FBN2: variants seen among roughly 807,000 people sequenced by gnomAD.
The protein encoded by FBN2 is fibrillin-2.
In FBN2, 105 loss-of-function variants were observed where a neutral mutation model predicts 355.6. That is an observed-to-expected ratio of 0.30 (90% CI 0.25 to 0.35). FBN2 has a LOEUF of 0.35. FBN2 is among the 10% of genes least tolerant of loss of function. FBN2 has a pLI of 1.00. For synonymous variants in FBN2, 1,350 were observed against 1,301.2 expected (o/e 1.04, Z -0.81); for missense variants, 3,280 against 3,758.7 (o/e 0.87, Z 3.33).
At position 128,290,054 on chromosome 5, in the gene FBN2, T is replaced by A. The variant is rs1581191269; in HGVS notation, c.6446-107A>T. 5.5e-6 allele frequency: 4 copies of A among 733,788 alleles called. No homozygotes were observed. In the South Asian group the frequency reaches 6.0e-5, roughly 11 times the overall value. The allele number at this position is 733,788 out of a possible 1,614,324, so 45.5% of individuals were successfully genotyped here. A position where few individuals can be genotyped will look rare whatever the true frequency, so the allele number is the denominator to read the frequency against. On this transcript the variant is annotated intron_variant, in intron 50 of 64. Transcript: ENST00000262464. ...AAATTACACTTAATTATGTTTCCATTACAAAGCTGTCTATAACAAGACTCT... is the reference window on the plus strand; with the variant it reads ...AAATTACACTTAATTATGTTTCCATAACAAAGCTGTCTATAACAAGACTCT...
At chr5:128,485,672 A>G (rs1321173208) in intron 5 of FBN2, among the ~76,000 whole-genome samples, 1 of 152,214 alleles carries the variant, frequency 6.6e-6, no homozygotes, top group African/African-American at 2.4e-5. Flanking sequence ...TAAATACATT[A>G]TGAGTTCATG....
At chr5:128,465,596 T>C (rs1754691372) in intron 5 of FBN2, among the ~76,000 whole-genome samples, 1 of 152,234 alleles carries the variant, frequency 6.6e-6, no homozygotes, top group African/African-American at 2.4e-5. Flanking sequence ...GTCAGTTTAG[T>C]TCTATGGGTA....
chr5:128,286,413 T>G (rs547804968), intron 55 of FBN2, among the ~76,000 whole-genome samples: 1 of 152,342 alleles, frequency 6.6e-6, no homozygotes, highest in South Asian at 2.1e-4. Context: ...TTTACCTTTT[T>G]CAATGTTTTT....
chr5:128,384,750 C>A (rs200548680), intron 11 of FBN2, among the ~76,000 whole-genome samples: 1 of 152,068 alleles, frequency 6.6e-6, no homozygotes, highest in African/African-American at 2.4e-5. Flanking sequence ...GACCAAAAAT[C>A]TACTTGGGAA....
At chr5:128,438,667 G>C (rs943954755) in intron 7 of FBN2, among the ~76,000 whole-genome samples, 1 of 152,092 alleles carries the variant, frequency 6.6e-6, no homozygotes, top group Non-Finnish European at 1.5e-5. Flanking sequence ...TGTGACAGAG[G>C]CTCTAACAGC....
At chr5:128,486,633 T>A (rs867195495) in intron 5 of FBN2, among the ~76,000 whole-genome samples, 1 of 152,154 alleles carries the variant, frequency 6.6e-6, no homozygotes, top group African/African-American at 2.4e-5. Context: ...TCTTTTTTTT[T>A]AAATTATACT....
chr5:128,282,217 A>T (rs927202562), intron 55 of FBN2, among the ~76,000 whole-genome samples: 2 of 152,042 alleles, frequency 1.3e-5, no homozygotes, highest in African/African-American at 2.4e-5. Context: ...TTTTCTTCTT[A>T]GTGTTTTGAA....
At chr5:128,465,909 G>A (rs1051072676) in intron 5 of FBN2, among the ~76,000 whole-genome samples, 12 of 152,140 alleles carry the variant, frequency 7.9e-5, no homozygotes, top group Non-Finnish European at 1.5e-4. Flanking sequence ...ACTAACCCAG[G>A]TTCTGCATTT....
intron 41 of FBN2, among the ~76,000 whole-genome samples, 163 bp from the exon 42 acceptor site, chr5:128,307,366 T>A (rs954334404): frequency 6.6e-6 from 1 of 152,010 alleles, no homozygotes; most frequent in African/African-American, 2.4e-5. Flanking sequence ...CTGCTAGGAG[T>A]GGATCTAGGC....
At chr5:128,457,185 G>T (rs1303165494) in intron 6 of FBN2, among the ~76,000 whole-genome samples, 2 of 152,122 alleles carry the variant, frequency 1.3e-5, no homozygotes, top group Non-Finnish European at 2.9e-5. Flanking sequence ...AATCGACCAA[G>T]TGGAAGAAAG....
At chr5:128,362,701 G>A (rs1751669270) in intron 18 of FBN2, among the ~76,000 whole-genome samples, 2 of 152,266 alleles carry the variant, frequency 1.3e-5, no homozygotes, top group East Asian at 1.9e-4. Context: ...CTGGCCTCAG[G>A]TGATTCTCGC....
chr5:128,441,186 A>C (rs1018192919), intron 7 of FBN2, among the ~76,000 whole-genome samples: 4 of 152,212 alleles, frequency 2.6e-5, no homozygotes, highest in African/African-American at 9.7e-5. Flanking sequence ...CTCTACAGCC[A>C]GTGCCAGGAT....
At chr5:128,343,426 C>T (rs187626724) in intron 25 of FBN2, among the ~76,000 whole-genome samples, 6 of 152,262 alleles carry the variant, frequency 3.9e-5, no homozygotes, top group Non-Finnish European at 7.4e-5. Context: ...CAGAGATAGC[C>T]TTGGCTGAGG....
At chr5:128,334,565 T>C (rs912058098) in intron 31 of FBN2, among the ~76,000 whole-genome samples, 154 bp downstream of exon 31, 3 of 151,938 alleles carry the variant, frequency 2.0e-5, no homozygotes, top group Non-Finnish European at 4.4e-5. Flanking sequence ...GCCAAATCCA[T>C]CACACATCCT....
chr5:128,377,332 T>C (rs964168031), intron 13 of FBN2, among the ~76,000 whole-genome samples: 4 of 152,146 alleles, frequency 2.6e-5, no homozygotes, highest in Non-Finnish European at 4.4e-5. Context: ...GTGTACTGCA[T>C]ATGTCAAACA....
chr5:128,513,968 G>A (rs1240292855), intron 5 of FBN2, among the ~76,000 whole-genome samples: 2 of 151,934 alleles, frequency 1.3e-5, no homozygotes, highest in Non-Finnish European at 2.9e-5. Context: ...GCTAAGTTTA[G>A]CTTAGAGAGT....
chr5:128,288,140 C>G (rs1561749451), intron 53 of FBN2, among the ~76,000 whole-genome samples: 1 of 152,076 alleles, frequency 6.6e-6, no homozygotes, highest in Non-Finnish European at 1.5e-5. Context: ...CCAACATTAA[C>G]CAATATACTG....
intron 7 of FBN2, among the ~76,000 whole-genome samples, chr5:128,429,072 G>A (rs1028771544): frequency 1.3e-5 from 2 of 152,204 alleles, no homozygotes; most frequent in Non-Finnish European, 2.9e-5. Context: ...TCACCTGGCA[G>A]ATGGGAAACT....
intron 47 of FBN2, 42 bp downstream of exon 47, chr5:128,301,340 A>T: frequency 6.3e-7 from 1 of 1,580,358 alleles, no homozygotes; most frequent in Non-Finnish European, 8.7e-7. Flanking sequence ...TCATTTTACA[A>T]AACATAACAC....
Sources: allele counts gnomAD v4.1 joint callset (sites outside exome capture counted in the v4.1 genomes callset), GRCh38; gene constraint gnomAD v4.1.1; transcripts MANE v1.5; gene names NCBI Gene and HGNC (gene_info 2026-07-23, HGNC 2026-07-21).